Variants in CFAP206 observed in about 807,000 individuals in gnomAD.
CFAP206 encodes cilia- and flagella-associated protein 206.
In CFAP206, 53 loss-of-function variants were observed where a neutral mutation model predicts 65.4. That is an observed-to-expected ratio of 0.81 (90% CI 0.65 to 1.02). The LOEUF (loss-of-function observed/expected upper bound fraction) is 1.02. Ranked by LOEUF, CFAP206 falls within the 50% of genes least tolerant of loss-of-function variation. The pLI, the probability that CFAP206 is intolerant of heterozygous loss-of-function variation, is 0.00. For missense variants in CFAP206, 663 were observed against 753.2 expected (o/e 0.88, Z 1.40); for synonymous variants, 250 against 254.4 (o/e 0.98, Z 0.17).
rs554079751 is a variant in CFAP206, at chr6:87,414,718, A to G, written c.283+818A>G. ...CTATATAAAACAAGTCTATTTCTCT[A>G]TGGACTACCTCTACCTCTACTGTAT... On this transcript the variant is annotated intron_variant, in intron 4 of 12. Coordinates refer to ENST00000369562, the MANE Select transcript of CFAP206 (RefSeq NM_001031743.3). Among the ~76,000 whole-genome samples, 4 of 152,288 alleles carry G rather than the reference A, an allele frequency of 2.6e-5. No individual in the cohort carries two copies. The South Asian group carries it at 6.2e-4, about 24-fold the overall frequency.
At position 87,415,770 on chromosome 6, in the gene CFAP206, C is replaced by T; in HGVS notation, c.368C>T (p.Ala123Val). ...GAAATTACAGATAACAGAGCATGTG[C>T]TAAAGAAGAATTGGAAAGCCTCTAC... is the stretch of plus-strand genomic sequence containing the variant. ...TREITDNRACAKEELESLYRK... is the reference protein window; with the variant it reads ...TREITDNRACVKEELESLYRK... Residue 123 changes from alanine to valine, a missense_variant, in exon 5 of 13, where the codon GCT (alanine) becomes GTT (valine). Transcript: ENST00000369562. The T allele has an allele frequency of 6.2e-7, 1 of 1,613,486 alleles. No homozygotes were observed. Among genetic ancestry groups the T allele is most frequent in the Non-Finnish European group, 8.5e-7 (1 of 1,179,674 alleles).
chr6:87,423,879 T>C (rs990526811), intron 7 of CFAP206, among the ~76,000 whole-genome samples: 14 of 152,230 alleles, frequency 9.2e-5, no homozygotes, highest in African/African-American at 3.1e-4. Flanking sequence ...AAAAATTTGT[T>C]AGTTGTAATA....
chr6:87,453,575 A>G (rs1380298655), intron 11 of CFAP206, among the ~76,000 whole-genome samples: 1 of 152,186 alleles, frequency 6.6e-6, no homozygotes, highest in Non-Finnish European at 1.5e-5. Context: ...AAAGTTAAGA[A>G]GCGGCAGTGG....
At chr6:87,435,132 G>A in intron 11 of CFAP206, 79 bp downstream of exon 11, 1 of 1,068,934 alleles carries the variant, frequency 9.4e-7, no homozygotes, top group Non-Finnish European at 1.4e-6. Flanking sequence ...GTTGTAGAAT[G>A]CTTCCCAGGT....
intron 8 of CFAP206, 151 bp from the exon 9 acceptor site, chr6:87,428,475 C>T: frequency 1.6e-6 from 1 of 630,762 alleles, no homozygotes; most frequent in Non-Finnish European, 2.8e-6. Context: ...AGTTAAATGT[C>T]TATCTAAAGT....
chr6:87,463,743 A>C (rs1768779898), intron 12 of CFAP206, among the ~76,000 whole-genome samples: 1 of 152,188 alleles, frequency 6.6e-6, no homozygotes. Flanking sequence ...GATTATATTA[A>C]TAAATAACTG....
At chr6:87,428,324 G>C (rs1174563005) in intron 8 of CFAP206, among the ~76,000 whole-genome samples, 1 of 151,046 alleles carries the variant, frequency 6.6e-6, no homozygotes, top group Non-Finnish European at 1.5e-5. Context: ...TTTTCCCTTG[G>C]TTTTTTGAGG....
chr6:87,436,640 G>C (rs1768273398), intron 11 of CFAP206: 1 of 152,314 alleles, frequency 6.6e-6, no homozygotes, highest in Non-Finnish European at 1.5e-5. Flanking sequence ...CTGACATCGT[G>C]ATGTGCTGTG....
At chr6:87,435,155 A>T (rs936697899) in intron 11 of CFAP206, 102 bp downstream of exon 11, 3 of 790,808 alleles carry the variant, frequency 3.8e-6, no homozygotes, top group East Asian at 2.7e-5. Context: ...ACACAGAGAG[A>T]GTCAGATGAG....
intron 7 of CFAP206, among the ~76,000 whole-genome samples, chr6:87,419,365 T>C (rs1767899583): frequency 6.6e-6 from 1 of 152,160 alleles, no homozygotes; most frequent in South Asian, 2.1e-4. Flanking sequence ...TTATAAACTT[T>C]TTAAAAAGTA....
In CFAP206 at chr6:87,415,866, A is replaced by G; in HGVS notation, c.464A>G (p.Glu155Gly). The G allele has an allele frequency of 1.3e-6, 2 of 1,543,666 alleles. No homozygotes were observed. The highest frequency in any genetic ancestry group is 2.0e-5 in the Admixed American group (1 of 50,294). ...GSPTDIKTVR[E>G]VTAALQSVFP... ...CCTACAGACATCAAGACTGTCAGAG[A>G]GGTAACAGGTAAAAAGTATAACCAA... Residue 155 changes from glutamate to glycine, a missense_variant, in exon 5 of 13, where the codon GAG (glutamate) becomes GGG (glycine). Coordinates refer to ENST00000369562, the MANE Select transcript of CFAP206 (RefSeq NM_001031743.3).
chr6:87,433,728 TATC>T (rs1223016775), intron 10 of CFAP206, among the ~76,000 whole-genome samples: 1 of 152,256 alleles, frequency 6.6e-6, no homozygotes, highest in African/African-American at 2.4e-5. Context: ...GTATTTCACA[TATC>T]ATTTAAAAAT....
intron 11 of CFAP206, among the ~76,000 whole-genome samples, chr6:87,457,042 C>T (rs892829793): frequency 6.7e-6 from 1 of 150,270 alleles, no homozygotes; most frequent in Non-Finnish European, 1.5e-5. Flanking sequence ...CCCAGCTACT[C>T]AGGAGGCTGA....
At chr6:87,463,536 T>C (rs1296845784) in intron 12 of CFAP206, among the ~76,000 whole-genome samples, 1 of 152,150 alleles carries the variant, frequency 6.6e-6, no homozygotes, top group Non-Finnish European at 1.5e-5. Context: ...TAATAATCTA[T>C]AAAGGGAGTA....
chr6:87,416,769 T>TA lies in CFAP206; in HGVS notation c.574dup (p.Thr192AsnfsTer7). 6.2e-7 allele frequency: 1 copy of TA among 1,613,930 alleles called. No homozygotes were observed. Among genetic ancestry groups the TA allele is most frequent in the South Asian group, 1.1e-5 (1 of 91,058 alleles). On this transcript the variant is annotated frameshift_variant, in exon 6 of 13. Transcript: ENST00000369562. LOFTEE classifies it high-confidence loss of function. ...AGCTGAAAGAACTCACCATGATTGT[T>TA]ACTGGAATTCGTTTATTTAACAGAG...
chr6:87,445,021 G>A (rs948781270), intron 11 of CFAP206: 1 of 519,998 alleles, frequency 1.9e-6, no homozygotes, highest in Non-Finnish European at 3.8e-6. Flanking sequence ...TCTTTGGCAT[G>A]TAGAATGGTC....
At chr6:87,454,451 ATCAG>A (rs1216326333) in intron 11 of CFAP206, among the ~76,000 whole-genome samples, 2 of 152,186 alleles carry the variant, frequency 1.3e-5, no homozygotes, top group African/African-American at 4.8e-5. Flanking sequence ...TAGCACATGG[ATCAG>A]TCTCAAGGAT....
chr6:87,443,961 C>T lies in CFAP206; in HGVS notation c.1494+8908C>T, dbSNP rs530864618. ...TTCTGCGGCATACTTTTAAACATAG[C>T]TATTTTCATCATAGTTCGGTTCTGA... On this transcript the variant is annotated intron_variant, in intron 11 of 12. Coordinates refer to ENST00000369562, the MANE Select transcript of CFAP206 (RefSeq NM_001031743.3). Among the ~76,000 whole-genome samples the T allele has an allele frequency of 7.2e-5, 11 of 152,270 alleles. No homozygotes were observed. The East Asian group carries it at 9.6e-4, about 13-fold the overall frequency.
intron 11 of CFAP206, among the ~76,000 whole-genome samples, chr6:87,448,900 T>C (rs548658018): frequency 6.6e-6 from 1 of 152,286 alleles, no homozygotes; most frequent in East Asian, 1.9e-4. Context: ...TTCTTTATTC[T>C]CCTGTTGGTG....
Sources: gnomAD v4.1 joint callset for allele counts (sites outside exome capture counted in the v4.1 genomes callset) on GRCh38, gnomAD v4.1.1 for gene constraint, MANE v1.5 for transcripts, NCBI Gene and HGNC (gene_info 2026-07-23, HGNC 2026-07-21) for gene names.